Variants in ZNF469 observed in about 807,000 individuals in gnomAD.
ZNF469 encodes zinc finger protein 469.
ZNF469 carries 1 observed loss-of-function variant against 1.0 expected under a neutral mutation model. That is an observed-to-expected ratio of 1.00 (90% CI 0.35 to 4.73). ZNF469 has a LOEUF of 4.73. Among genes scored for constraint, ZNF469 ranks in the 30% most tolerant of loss-of-function variants. The pLI, the probability that ZNF469 is intolerant of heterozygous loss-of-function variation, is 0.16. For missense variants in ZNF469, 6,100 were observed against 5,356.3 expected, an observed-to-expected ratio of 1.14 and a Z score of -4.33; for synonymous variants, 2,703 against 2,363.4, an observed-to-expected ratio of 1.14 and a Z score of -4.17.
At chr16:88,318,748 G>T in the ZNF469 span, among the ~76,000 whole-genome samples, 3 of 152,252 alleles carry the variant, frequency 2.0e-5, no homozygotes, top group Non-Finnish European at 4.4e-5. Context: ...CGGAGGAGGG[G>T]ATGCTCCCTT....
At chr16:88,227,040 G>T in the ZNF469 span, among the ~76,000 whole-genome samples, 1 of 141,370 alleles carries the variant, frequency 7.1e-6, no homozygotes, top group African/African-American at 2.7e-5. Context: ...TTCCACCCGT[G>T]CCTCCTCCGC....
intron 1 of ZNF469, among the ~76,000 whole-genome samples, chr16:88,406,481 G>C (rs964879301): frequency 6.6e-6 from 1 of 152,252 alleles, no homozygotes; most frequent in Non-Finnish European, 1.5e-5. Context: ...GGTCCAGGTA[G>C]CCTGCGCCTG....
chr16:88,322,962 T>C, the ZNF469 span, among the ~76,000 whole-genome samples: 19 of 152,288 alleles, frequency 1.2e-4, no homozygotes, highest in Non-Finnish European at 2.6e-4. Flanking sequence ...TCTCCCAAGA[T>C]TGGAGAACGG....
the ZNF469 span, among the ~76,000 whole-genome samples, chr16:88,127,764 G>A: frequency 2.0e-5 from 3 of 152,176 alleles, no homozygotes. Flanking sequence ...AGATGAAGAA[G>A]GTTGGATTTG....
chr16:88,167,078 C>CT, the ZNF469 span, among the ~76,000 whole-genome samples: 4 of 125,792 alleles, frequency 3.2e-5, 1 homozygote, highest in Non-Finnish European at 6.3e-5. Flanking sequence ...TTTTTTTTTT[C>CT]TAAGAGGGAA....
chr16:88,153,626 C>T, the ZNF469 span, among the ~76,000 whole-genome samples: 1 of 152,226 alleles, frequency 6.6e-6, no homozygotes, highest in Non-Finnish European at 1.5e-5. Context: ...CTGCGGGAGG[C>T]CTTGTGTTAG....
the ZNF469 span, among the ~76,000 whole-genome samples, chr16:88,149,534 C>T: frequency 1.5e-4 from 23 of 152,200 alleles, no homozygotes; most frequent in African/African-American, 5.6e-4. Context: ...CCCTTTGCAG[C>T]GCTGTGGCTT....
chr16:88,212,921 C>T, the ZNF469 span, among the ~76,000 whole-genome samples: 90 of 152,272 alleles, frequency 5.9e-4, no homozygotes, highest in African/African-American at 2.0e-3. Flanking sequence ...CTTGTTTCTT[C>T]CCATTTTTTG....
chr16:88,202,707 C>T, the ZNF469 span, among the ~76,000 whole-genome samples: 2 of 152,278 alleles, frequency 1.3e-5, no homozygotes, highest in East Asian at 1.9e-4. Flanking sequence ...GTGGTGGGGG[C>T]GCCTCACTCC....
the ZNF469 span, among the ~76,000 whole-genome samples, chr16:88,138,629 A>G: frequency 6.6e-6 from 1 of 152,256 alleles, no homozygotes; most frequent in Non-Finnish European, 1.5e-5. Context: ...AAGGAACATA[A>G]CAAGCCATCA....
Position 88,436,488 on chromosome 16 carries a change from C to G in ZNF469, c.9018C>G (p.Ala3006=), listed in dbSNP as rs1048591670. The G allele has an allele frequency of 6.5e-7, 1 of 1,547,734 alleles. No homozygotes were observed. Among genetic ancestry groups the G allele is most frequent in the Non-Finnish European group, 8.7e-7 (1 of 1,146,958 alleles). The change falls in exon 3 of 3, where the codon GCC becomes GCG. Residue 3006 remains alanine (A), a synonymous_variant. Transcript: ENST00000565624. The stretch of plus-strand genomic sequence containing the variant: ...GAGGCCTGGAGATGCCGGCCCCTGC[C>G]GATGACTCCTCCTCTTCTCTCGGAG... ...AWRGLEMPAP[A]DDSSSSLGDV... is the part of the protein sequence containing the mutation.
the ZNF469 span, among the ~76,000 whole-genome samples, chr16:88,136,240 T>C: frequency 1 from 151,566 of 152,316 alleles, 75,415 homozygotes; most frequent in Middle Eastern, 1. Flanking sequence ...CCACCTCCAG[T>C]GTTGTCTTCC....
chr16:88,397,788 A>G (rs1000118551), intron 1 of ZNF469, among the ~76,000 whole-genome samples: 3 of 152,032 alleles, frequency 2.0e-5, no homozygotes, highest in Non-Finnish European at 4.4e-5. Context: ...CAATGTGGAG[A>G]ATGTTGGAAA....
the ZNF469 span, among the ~76,000 whole-genome samples, chr16:88,286,069 C>G: frequency 6.6e-6 from 1 of 152,264 alleles, no homozygotes; most frequent in Non-Finnish European, 1.5e-5. Context: ...CCAGCCCACT[C>G]GGTGCCTCCA....
At chr16:88,376,927 G>A in the ZNF469 span, among the ~76,000 whole-genome samples, 1 of 152,196 alleles carries the variant, frequency 6.6e-6, no homozygotes, top group Non-Finnish European at 1.5e-5. Context: ...GGCCCCCGAG[G>A]GCCCAGCCTC....
chr16:88,347,322 T>C, the ZNF469 span, among the ~76,000 whole-genome samples: 1 of 152,170 alleles, frequency 6.6e-6, no homozygotes, highest in Non-Finnish European at 1.5e-5. Context: ...ATAGGGGCTT[T>C]GCAGATGCTC....
the ZNF469 span, chr16:88,192,354 G>A: frequency 1.1e-4 from 17 of 152,254 alleles, no homozygotes; most frequent in African/African-American, 4.1e-4. Context: ...TCTGAGCCAG[G>A]TAGTTCGGAA....
At chr16:88,160,742 T>G in the ZNF469 span, among the ~76,000 whole-genome samples, 3 of 152,204 alleles carry the variant, frequency 2.0e-5, no homozygotes, top group African/African-American at 7.2e-5. Context: ...GCGTGGCACC[T>G]GCTGCCCGGC....
At chr16:88,295,867 C>T in the ZNF469 span, among the ~76,000 whole-genome samples, 1 of 152,178 alleles carries the variant, frequency 6.6e-6, no homozygotes, top group Non-Finnish European at 1.5e-5. Context: ...ACACAGATAA[C>T]ATATGTCTGA....
Sources: allele counts gnomAD v4.1 joint callset (sites outside exome capture counted in the v4.1 genomes callset), GRCh38; gene constraint gnomAD v4.1.1; transcripts MANE v1.5; gene names NCBI Gene and HGNC (gene_info 2026-07-23, HGNC 2026-07-21).